The following ATP11A variants were observed in gnomAD, a reference collection of about 807,000 sequenced individuals.
ATP11A encodes the protein ATPase phospholipid transporting 11A.
In ATP11A, 81 loss-of-function variants were observed where a neutral mutation model predicts 154.4. That is an observed-to-expected ratio of 0.52 (90% CI 0.44 to 0.63). The LOEUF (loss-of-function observed/expected upper bound fraction) is 0.63, where lower values mean the gene tolerates loss of function less well. ATP11A is among the 30% of genes least tolerant of loss of function. The pLI is 0.00. For missense variants in ATP11A, 1,316 were observed against 1,474.3 expected, an observed-to-expected ratio of 0.89 and a Z score of 1.76; for synonymous variants, 623 against 585.9, an observed-to-expected ratio of 1.06 and a Z score of -0.91.
At chr13:112,880,549 G>C (rs1018125958) in intron 29 of ATP11A, 1 of 1,299,358 alleles carries the variant, frequency 7.7e-7, no homozygotes, top group African/African-American at 1.5e-5. Flanking sequence ...CTTGCAGAGG[G>C]GTGTGAAGCA....
At chr13:112,801,692 C>T (rs574992690) in intron 2 of ATP11A, among the ~76,000 whole-genome samples, 8 of 152,276 alleles carry the variant, frequency 5.3e-5, no homozygotes, top group Admixed American at 2.0e-4. Flanking sequence ...ATTTAACCCC[C>T]CCACCCACCA....
intron 1 of ATP11A, among the ~76,000 whole-genome samples, chr13:112,732,662 A>G (rs1488954441): frequency 1.3e-5 from 2 of 152,174 alleles, no homozygotes; most frequent in African/African-American, 4.8e-5. Flanking sequence ...CCCAGGCCGG[A>G]GTGGAGTGGT....
chr13:112,767,864 G>C (rs34310808), intron 1 of ATP11A, among the ~76,000 whole-genome samples: 2 of 151,982 alleles, frequency 1.3e-5, no homozygotes, highest in Non-Finnish European at 2.9e-5. Context: ...CAGTGCCTGC[G>C]TGCAGACCCC....
At chr13:112,755,639 A>AACCATTTCCAGTCAGGGAAGC (rs2139838884) in intron 1 of ATP11A, among the ~76,000 whole-genome samples, 3 of 152,312 alleles carry the variant, frequency 2.0e-5, no homozygotes, top group Non-Finnish European at 4.4e-5. Flanking sequence ...CGGCTCCTAG[A>AACCATTTCCAGTCAGGGAAGC]ACCATTTCCA....
chr13:112,844,801 T>TCCA (rs1566562568), intron 17 of ATP11A, among the ~76,000 whole-genome samples: 3 of 69,004 alleles, frequency 4.3e-5, no homozygotes, highest in Non-Finnish European at 8.6e-5. Flanking sequence ...CGGGTGTTAG[T>TCCA]GGTACTAACC....
rs1319839906 is a variant in ATP11A, at chr13:112,885,065, GCTC to G, written c.*3202_*3204del. ...CACACAAACGTGTACACAAGTGTGA[GCTC>G]CTACACGCATACACACACACACGTG... On this transcript the variant is annotated 3_prime_UTR_variant, in exon 30 of 30. Coordinates refer to ENST00000375645, the MANE Select transcript of ATP11A (RefSeq NM_015205.3). 2.0e-5 allele frequency: 3 copies of G among 151,242 alleles called. No homozygotes were observed. The highest frequency in any genetic ancestry group is 7.4e-5 in the African/African-American group (3 of 40,568). The allele number at this position is 151,242 out of a possible 1,614,324, so 9.4% of individuals were successfully genotyped here. A position where few individuals can be genotyped will look rare whatever the true frequency, so the allele number is the denominator to read the frequency against.
rs759907965 is a variant in ATP11A at position 112,875,807 on chromosome 13, G to A, written c.3193G>A (p.Val1065Met). The A allele has an allele frequency of 7.4e-6, 12 of 1,613,980 alleles. No homozygotes were observed. The highest frequency in any genetic ancestry group is 4.5e-5 in the East Asian group (2 of 44,880). Residue 1065 changes from valine to methionine, a missense_variant, in exon 28 of 30, where the codon GTG becomes ATG. Physicochemically the swap from Val to Met is conservative, Grantham distance 21 (BLOSUM62 1). Transcript: ENST00000375645. This position sits in a 1 kb window ranked among gnomAD's most constrained non-coding sequence, Gnocchi z 4.1. ...CCTCAACTACCAGAGGATGTACTAC[G>A]TGTTCATCCAGATGCTGTCCAGCGG... ...PFLNYQRMYY[V>M]FIQMLSSGPA...
At chr13:112,830,376 A>G (rs1435740252) in intron 12 of ATP11A, among the ~76,000 whole-genome samples, 2 of 152,126 alleles carry the variant, frequency 1.3e-5, no homozygotes, top group Non-Finnish European at 2.9e-5. Flanking sequence ...GGATTTCAAG[A>G]CCAGCCTGGC....
intron 16 of ATP11A, among the ~76,000 whole-genome samples, chr13:112,836,807 G>A (rs566670078): frequency 7.9e-5 from 12 of 152,322 alleles, no homozygotes; most frequent in African/African-American, 2.6e-4. Flanking sequence ...CCCTGTGGCC[G>A]CCATGATGTT....
At chr13:112,823,677 G>A (rs897283860) in intron 9 of ATP11A, among the ~76,000 whole-genome samples, 13 of 152,248 alleles carry the variant, frequency 8.5e-5, no homozygotes, top group African/African-American at 2.9e-4. Flanking sequence ...AATTTGTGAA[G>A]TTTAGTTGTG....
At chr13:112,738,580 C>T (rs975408131) in intron 1 of ATP11A, among the ~76,000 whole-genome samples, 2 of 152,206 alleles carry the variant, frequency 1.3e-5, no homozygotes, top group African/African-American at 4.8e-5. Context: ...TCATGCAGCG[C>T]AGAGCTCCTT....
chr13:112,722,380 G>A (rs961582426), intron 1 of ATP11A, among the ~76,000 whole-genome samples: 2 of 152,280 alleles, frequency 1.3e-5, no homozygotes, highest in South Asian at 2.1e-4. Context: ...TGGACAGTTG[G>A]TTGAAAGACT....
intron 6 of ATP11A, among the ~76,000 whole-genome samples, chr13:112,816,679 G>A (rs1029539610): frequency 5.3e-5 from 8 of 152,106 alleles, no homozygotes; most frequent in Non-Finnish European, 1.0e-4. Flanking sequence ...TTGGGTTTTT[G>A]GACAGTTCAT....
chr13:112,774,003 C>T (rs1166637646), intron 1 of ATP11A, among the ~76,000 whole-genome samples: 2 of 152,226 alleles, frequency 1.3e-5, no homozygotes, highest in African/African-American at 4.8e-5. Flanking sequence ...ACCTCAGCTC[C>T]TCAAACACAG....
chr13:112,769,561 A>G (rs900448386), intron 1 of ATP11A, among the ~76,000 whole-genome samples: 11 of 152,158 alleles, frequency 7.2e-5, no homozygotes, highest in African/African-American at 1.9e-4. Context: ...AGTTCTCCCA[A>G]CTTCCCCAGA....
At chr13:112,844,695 G>T (rs2079524687) in intron 17 of ATP11A, among the ~76,000 whole-genome samples, 1 of 151,976 alleles carries the variant, frequency 6.6e-6, no homozygotes, top group African/African-American at 2.4e-5. Flanking sequence ...CAGTTGCCGA[G>T]CACTAGCGGT....
In ATP11A at chr13:112,856,603, G is replaced by A. The variant is rs1205589970; in HGVS notation, c.2418+518G>A. 3 of 152,420 alleles carry A rather than the reference G, an allele frequency of 2.0e-5. No homozygotes were observed. In the East Asian group the frequency reaches 5.8e-4, roughly 29 times the overall value. 9.4% of individuals were successfully genotyped at this position (152,420 alleles called of 1,614,324 possible). ...CATCAAACTCCAAACGTCTCACGCG[G>A]CCATGTTCTTGTGGGAAACGCACAC... is the stretch of plus-strand genomic sequence containing the variant. On this transcript the variant is annotated intron_variant, in intron 20 of 29. Transcript: ENST00000375645.
At chr13:112,728,285 C>T (rs1385643859) in intron 1 of ATP11A, among the ~76,000 whole-genome samples, 1 of 152,050 alleles carries the variant, frequency 6.6e-6, no homozygotes, top group Non-Finnish European at 1.5e-5. Context: ...GTATGTACCA[C>T]GTTGTCAGTA....
rs373667262 is a variant in ATP11A, at chr13:112,856,105, G to A, written c.2418+20G>A. Reference sequence around the variant, plus strand: ...GCTCAGGTGCTGCCCGCCCGTCCTCGATAGCTGGTGGTCAGGGCGTCCAAA... The same window carrying A: ...GCTCAGGTGCTGCCCGCCCGTCCTCAATAGCTGGTGGTCAGGGCGTCCAAA... On this transcript the variant is annotated intron_variant, in intron 20 of 29. Coordinates refer to ENST00000375645, the MANE Select transcript of ATP11A (RefSeq NM_015205.3). The A allele has an allele frequency of 3.6e-5, 57 of 1,601,908 alleles. No individual in the cohort carries two copies. Among genetic ancestry groups the A allele is most frequent in the South Asian group, 3.2e-4 (29 of 89,938 alleles).
Sources: allele counts gnomAD v4.1 joint callset (sites outside exome capture counted in the v4.1 genomes callset), GRCh38; gene constraint gnomAD v4.1.1; non-coding constraint Gnocchi (gnomAD v3.1); transcripts MANE v1.5; gene names NCBI Gene and HGNC (gene_info 2026-07-23, HGNC 2026-07-21).